UIMC1: variants seen among roughly 807,000 people sequenced by gnomAD.
UIMC1 encodes BRCA1-A complex subunit RAP80.
A neutral mutation model predicts 84.9 loss-of-function variants in UIMC1; 42 were observed. The observed-to-expected ratio is 0.49, with a 90% CI of 0.39 to 0.64. The LOEUF (loss-of-function observed/expected upper bound fraction) is 0.64. UIMC1 is among the 30% of genes least tolerant of loss of function. The pLI, the probability that UIMC1 is intolerant of heterozygous loss-of-function variation, is 0.00. For synonymous variants in UIMC1, 281 were observed against 293.0 expected (o/e 0.96, Z 0.42); for missense variants, 825 against 847.6 (o/e 0.97, Z 0.33).
intron 10 of UIMC1, among the ~76,000 whole-genome samples, chr5:176,920,350 T>C (rs990454486): frequency 6.6e-6 from 1 of 152,170 alleles, no homozygotes; most frequent in South Asian, 2.1e-4. Context: ...TGAAAAGGAT[T>C]TGAAATCTGT....
chr5:176,909,258 T>C (rs911764587), intron 11 of UIMC1, among the ~76,000 whole-genome samples: 1 of 152,224 alleles, frequency 6.6e-6, no homozygotes, highest in Non-Finnish European at 1.5e-5. Flanking sequence ...TGCATAGCTA[T>C]CTTTACCTTT....
rs561606061 is a variant in UIMC1 at position 176,992,646 on chromosome 5, A to T, written c.-8-10023T>A. Among the ~76,000 whole-genome samples the T allele has an allele frequency of 7.9e-3, 1,183 of 149,300 alleles. 16 individuals carry two copies. The highest frequency in any genetic ancestry group is 0.027 in the African/African-American group (1,041 of 39,214). On this transcript the variant is annotated intron_variant, in intron 1 of 14. Transcript: ENST00000511320. ...GCCTTGTCTCTATAAAAAAAAAAAAATTTTTTTTAATTAGCTGGGTATGGT... is the reference window on the plus strand; with the variant it reads ...GCCTTGTCTCTATAAAAAAAAAAAATTTTTTTTTAATTAGCTGGGTATGGT...
At chr5:177,009,986 C>T (rs182765640), upstream of UIMC1, among the ~76,000 whole-genome samples, 704 of 151,742 alleles carry the variant, frequency 4.6e-3, 2 homozygotes, top group Non-Finnish European at 7.7e-3. The surrounding 1 kb of genome is among the most constrained non-coding windows in gnomAD (Gnocchi z 4.3). Flanking sequence ...AGTGAGACTC[C>T]GTCTCAAAAA....
intron 3 of UIMC1, among the ~76,000 whole-genome samples, chr5:176,973,176 A>T (rs1253492929): frequency 6.6e-6 from 1 of 152,158 alleles, no homozygotes; most frequent in Non-Finnish European, 1.5e-5. Flanking sequence ...TCGGCCTCCC[A>T]AAGTGCTGGG....
chr5:176,941,665 C>T (rs1764455019), intron 10 of UIMC1, among the ~76,000 whole-genome samples: 1 of 152,144 alleles, frequency 6.6e-6, no homozygotes, highest in East Asian at 1.9e-4. Flanking sequence ...CACTGCAACA[C>T]TTCCAATTAC....
At chr5:177,017,326 A>G (rs879753016) in intron 1 of UIMC1, among the ~76,000 whole-genome samples, 1 of 152,158 alleles carries the variant, frequency 6.6e-6, no homozygotes, top group East Asian at 1.9e-4. Context: ...TCTGATCCCC[A>G]CATGGTAGAT....
chr5:177,008,386 A>G (rs1375094834), upstream of UIMC1, among the ~76,000 whole-genome samples: 5 of 152,068 alleles, frequency 3.3e-5, no homozygotes, highest in Non-Finnish European at 7.4e-5. Context: ...GTATACTACA[A>G]TTCTTTGCTC....
In UIMC1 at chr5:176,955,750, C is replaced by G. The variant is rs557888344; in HGVS notation, c.1339+209G>C. On this transcript the variant is annotated intron_variant, in intron 8 of 14. Transcript: ENST00000511320. ...TGTTAATTTCAAAACTAAATTACCC[C>G]TAAGGAGAGAAAAGATTGAGAATAA... 3.2e-4 allele frequency among the ~76,000 whole-genome samples: 48 copies of G among 152,108 alleles called. 1 individual carries two copies. Among genetic ancestry groups the G allele is most frequent in the African/African-American group, 1.1e-3 (47 of 41,480 alleles).
In UIMC1 at chr5:176,968,741, T is replaced by G; in HGVS notation, c.1014A>C (p.Gln338His). ...CATTTTTCTCACTAGCCTGCTCTCC[T>G]TGGCCACATTCATTCTGGATCAGAG... is the stretch of plus-strand genomic sequence containing the variant. ...PPSLIQNECGQGEQASEKNEC... is the reference protein window; with the variant it reads ...PPSLIQNECGHGEQASEKNEC... Residue 338 changes from glutamine to histidine, a missense_variant, in exon 6 of 15, where the codon CAA becomes CAC. Gln to His is a conservative substitution (Grantham distance 24). Coordinates refer to ENST00000511320, the MANE Select transcript of UIMC1 (RefSeq NM_001199298.2). 6.2e-7 allele frequency: 1 copy of G among 1,614,222 alleles called. No individual in the cohort carries two copies. Among genetic ancestry groups the G allele is most frequent in the South Asian group, 1.1e-5 (1 of 91,086 alleles).
intron 9 of UIMC1, among the ~76,000 whole-genome samples, chr5:176,949,518 T>C (rs1008854915): frequency 2.0e-5 from 3 of 152,206 alleles, no homozygotes; most frequent in Non-Finnish European, 4.4e-5. Context: ...AGATTCTGTT[T>C]CTTCCTGAGA....
chr5:177,007,872 A>C (rs910489950), upstream of UIMC1, among the ~76,000 whole-genome samples: 25 of 152,202 alleles, frequency 1.6e-4, no homozygotes, highest in African/African-American at 4.6e-4. Flanking sequence ...TGGGGGGCCA[A>C]GGTAGGCAGA....
chr5:177,001,302 G>A (rs963002867), intron 1 of UIMC1: 3 of 152,100 alleles, frequency 2.0e-5, no homozygotes, highest in Admixed American at 6.6e-5. Context: ...CAACTTTGTC[G>A]AAAATGAGTT....
intron 1 of UIMC1, among the ~76,000 whole-genome samples, chr5:176,995,721 T>C (rs1328681363): frequency 2.0e-5 from 3 of 151,128 alleles, no homozygotes; most frequent in Non-Finnish European, 2.9e-5. Context: ...CAGGAGCCCG[T>C]AGTCCCAGCT....
intron 1 of UIMC1, among the ~76,000 whole-genome samples, chr5:176,994,510 TAAAAA>T (rs58699518): frequency 1.4e-4 from 19 of 138,340 alleles, no homozygotes; most frequent in Non-Finnish European, 2.2e-4. Context: ...GCAGTTTCTT[TAAAAA>T]AAAAAAAAAA....
At chr5:176,967,817 T>C (rs1014671394) in intron 6 of UIMC1, among the ~76,000 whole-genome samples, 2 of 151,106 alleles carry the variant, frequency 1.3e-5, no homozygotes, top group Non-Finnish European at 2.9e-5. Context: ...GGTTGGGGGA[T>C]CGCTTGATCC....
At chr5:176,968,445 G>T in intron 6 of UIMC1, 110 bp downstream of exon 6, 2 of 1,399,272 alleles carry the variant, frequency 1.4e-6, no homozygotes, top group Non-Finnish European at 1.9e-6. Flanking sequence ...TAGTGAACAT[G>T]TATTACTTTA....
In UIMC1 at chr5:176,905,233, G is replaced by A. The variant is rs762766140; in HGVS notation, c.*49C>T. Reference sequence around the variant, plus strand: ...GGGACCACTATGGCTTAATGAACATGGCCCACCCCTCCTACTAATGGTTTT... The same window carrying A: ...GGGACCACTATGGCTTAATGAACATAGCCCACCCCTCCTACTAATGGTTTT... On this transcript the variant is annotated 3_prime_UTR_variant, in exon 15 of 15. Transcript: ENST00000511320. 3.8e-6 allele frequency: 6 copies of A among 1,593,740 alleles called. No individual in the cohort carries two copies. In the South Asian group the frequency reaches 4.5e-5, roughly 12 times the overall value.
intron 10 of UIMC1, among the ~76,000 whole-genome samples, chr5:176,935,439 T>G (rs565801577): frequency 1.6e-3 from 247 of 152,334 alleles, no homozygotes; most frequent in African/African-American, 5.7e-3. Context: ...TGTTCATGTC[T>G]TATCTACCTA....
At chr5:176,958,677 G>A (rs911424082) in intron 6 of UIMC1, among the ~76,000 whole-genome samples, 1 of 152,188 alleles carries the variant, frequency 6.6e-6, no homozygotes, top group Non-Finnish European at 1.5e-5. Flanking sequence ...GACATCTAAA[G>A]GGAAGGTTAC....
Sources: allele counts gnomAD v4.1 joint callset (sites outside exome capture counted in the v4.1 genomes callset), GRCh38; gene constraint gnomAD v4.1.1; non-coding constraint Gnocchi (gnomAD v3.1); transcripts MANE v1.5; gene names NCBI Gene and HGNC (gene_info 2026-07-23, HGNC 2026-07-21).